TEC: variants seen among roughly 807,000 people sequenced by gnomAD.
TEC encodes tec protein tyrosine kinase.
A neutral mutation model predicts 93.0 loss-of-function variants in TEC; 72 were observed. The observed-to-expected ratio is 0.77, with a 90% CI of 0.64 to 0.94. The LOEUF (loss-of-function observed/expected upper bound fraction) is 0.94, where lower values mean the gene tolerates loss of function less well. Ranked by LOEUF, TEC falls within the 40% of genes least tolerant of loss-of-function variation. The pLI, the probability that TEC is intolerant of heterozygous loss-of-function variation, is 0.00. For synonymous variants in TEC, 249 were observed against 247.7 expected, an observed-to-expected ratio of 1.01 and a Z score of -0.05; for missense variants, 630 against 757.9, an observed-to-expected ratio of 0.83 and a Z score of 1.98.
At chr4:48,182,661 AT>A (rs1311263064) in intron 2 of TEC, among the ~76,000 whole-genome samples, 1 of 152,124 alleles carries the variant, frequency 6.6e-6, no homozygotes, top group Non-Finnish European at 1.5e-5. Flanking sequence ...AAAATGAGGC[AT>A]TAAGATGAAA....
At chr4:48,213,569 T>G (rs1722978157) in intron 2 of TEC, among the ~76,000 whole-genome samples, 1 of 152,198 alleles carries the variant, frequency 6.6e-6, no homozygotes, top group African/African-American at 2.4e-5. Flanking sequence ...CTAAGCTCCT[T>G]TCTGCATATA....
intron 2 of TEC, among the ~76,000 whole-genome samples, chr4:48,200,807 TGGAG>T (rs1485133231): frequency 1.1e-4 from 16 of 152,226 alleles, no homozygotes; most frequent in African/African-American, 3.1e-4. Flanking sequence ...ACAAGATGGC[TGGAG>T]CCATCTTTGG....
intron 8 of TEC, among the ~76,000 whole-genome samples, chr4:48,157,791 C>T (rs1218334721): frequency 6.6e-6 from 1 of 152,178 alleles, no homozygotes; most frequent in Non-Finnish European, 1.5e-5. Context: ...CCTGGGATTA[C>T]AGGCATGAGC....
chr4:48,167,958 AC>A lies in TEC; in HGVS notation c.496-6del, dbSNP rs748358556. 6.2e-7 allele frequency: 1 copy of A among 1,613,450 alleles called. No individual in the cohort carries two copies. Among genetic ancestry groups the A allele is most frequent in the Non-Finnish European group, 8.5e-7 (1 of 1,179,660 alleles). ...AATTGGTGGGGGAGGCCTTCGCTAGACAAGGAAGATAACATTTGAAAGTTTA... is the reference window on the plus strand; with the variant it reads ...AATTGGTGGGGGAGGCCTTCGCTAGAAAGGAAGATAACATTTGAAAGTTTA... On this transcript the variant is annotated splice_polypyrimidine_tract_variant and splice_region_variant and intron_variant, in intron 6 of 17. Coordinates refer to ENST00000381501, the MANE Select transcript of TEC (RefSeq NM_003215.3).
intron 8 of TEC, among the ~76,000 whole-genome samples, chr4:48,158,564 C>G (rs915979800): frequency 1.3e-5 from 2 of 152,056 alleles, no homozygotes; most frequent in Non-Finnish European, 2.9e-5. Context: ...ACACCTGGAG[C>G]TTTAATTATG....
rs1008277 is a variant in TEC, at chr4:48,136,518, T to C, written c.*898A>G. 50,759 of 152,002 alleles carry C rather than the reference T, an allele frequency of 0.33. 9,154 individuals carry two copies. The highest frequency in any genetic ancestry group is 0.68 in the East Asian group (3,522 of 5,152). 9.4% of individuals were successfully genotyped at this position (152,002 alleles called of 1,614,324 possible). On this transcript the variant is annotated 3_prime_UTR_variant, in exon 18 of 18. Transcript: ENST00000381501. ...AGGGAATATTCTTAAGGCTTAGAAG[T>C]AGATTACCCGGTTTAATTTTCCATC...
At chr4:48,198,478 G>A (rs1722379558) in intron 2 of TEC, among the ~76,000 whole-genome samples, 1 of 152,166 alleles carries the variant, frequency 6.6e-6, no homozygotes, top group Admixed American at 6.5e-5. Context: ...CCTGGTACTG[G>A]AATCCCATTA....
intron 1 of TEC, among the ~76,000 whole-genome samples, chr4:48,267,690 A>C (rs1051969048): frequency 1.3e-5 from 2 of 152,196 alleles, no homozygotes; most frequent in Non-Finnish European, 2.9e-5. Flanking sequence ...GAGCATAATA[A>C]AGGCTCTGAA....
At chr4:48,146,589 T>G (rs554176086) in intron 11 of TEC, among the ~76,000 whole-genome samples, 190 bp from the exon 12 acceptor site, 23 of 152,224 alleles carry the variant, frequency 1.5e-4, no homozygotes, top group African/African-American at 5.3e-4. Context: ...CTACAGTGTT[T>G]AACAGGCACC....
In TEC at chr4:48,163,815, T is replaced by C. The variant is rs1386348892; in HGVS notation, c.672-48A>G. 8.1e-6 allele frequency: 7 copies of C among 861,010 alleles called. No homozygotes were observed. In the South Asian group the frequency reaches 9.3e-5, roughly 11 times the overall value. 53.3% of individuals were successfully genotyped at this position (861,010 alleles called of 1,614,324 possible). A position where few individuals can be genotyped will look rare whatever the true frequency, so the allele number is the denominator to read the frequency against. On this transcript the variant is annotated intron_variant, in intron 7 of 17. Coordinates refer to ENST00000381501, the MANE Select transcript of TEC (RefSeq NM_003215.3). ...AGGTAAACTTACTTTACTGGGAGGT[T>C]ATTGAAAGAAAGAAAGATTATTGCC...
At chr4:48,258,808 C>G (rs10517214) in intron 1 of TEC, among the ~76,000 whole-genome samples, 66,373 of 152,058 alleles carry the variant, frequency 0.44, 14,754 homozygotes, top group Middle Eastern at 0.52. Context: ...TTTAAGAACT[C>G]TAGCGAATTT....
chr4:48,208,649 A>G (rs1375148786), intron 2 of TEC, among the ~76,000 whole-genome samples: 1 of 151,552 alleles, frequency 6.6e-6, no homozygotes, highest in Non-Finnish European at 1.5e-5. Context: ...TCTATTCCCT[A>G]CCTACAGAAA....
At chr4:48,191,958 C>G (rs1323898275) in intron 2 of TEC, among the ~76,000 whole-genome samples, 1 of 152,138 alleles carries the variant, frequency 6.6e-6, no homozygotes, top group Non-Finnish European at 1.5e-5. Context: ...TGAAGTCTAA[C>G]AACCACTCAG....
chr4:48,208,888 T>TG (rs1391506148), intron 2 of TEC, among the ~76,000 whole-genome samples: 2 of 152,192 alleles, frequency 1.3e-5, no homozygotes, highest in African/African-American at 4.8e-5. Flanking sequence ...AAAAAAGAAT[T>TG]GGGGGTGGTG....
chr4:48,261,266 T>C (rs1724491507), intron 1 of TEC, among the ~76,000 whole-genome samples: 1 of 152,234 alleles, frequency 6.6e-6, no homozygotes, highest in African/African-American at 2.4e-5. Flanking sequence ...CTGACAGCAT[T>C]CAAACCCAGT....
At chr4:48,194,534 C>A (rs1016340734) in intron 2 of TEC, among the ~76,000 whole-genome samples, 13 of 152,108 alleles carry the variant, frequency 8.5e-5, no homozygotes, top group Non-Finnish European at 1.8e-4. Flanking sequence ...TTTGCTACCC[C>A]CTAAAAGAGA....
chr4:48,264,518 G>A (rs1724582678), intron 1 of TEC, among the ~76,000 whole-genome samples: 2 of 152,168 alleles, frequency 1.3e-5, no homozygotes, highest in Admixed American at 1.3e-4. Flanking sequence ...AATGGAAAAG[G>A]CTTCTCTGAG....
chr4:48,195,936 G>A (rs1057235007), intron 2 of TEC, among the ~76,000 whole-genome samples: 1 of 152,138 alleles, frequency 6.6e-6, no homozygotes, highest in Non-Finnish European at 1.5e-5. Context: ...CTCACTGAGT[G>A]CCCACCAGCA....
At chr4:48,219,765 T>C (rs1410405328) in intron 2 of TEC, among the ~76,000 whole-genome samples, 2 of 152,136 alleles carry the variant, frequency 1.3e-5, no homozygotes, top group Non-Finnish European at 1.5e-5. Context: ...TTATATGCAA[T>C]AAATATCAGC....
Sources: gnomAD v4.1 joint callset for allele counts (sites outside exome capture counted in the v4.1 genomes callset) on GRCh38, gnomAD v4.1.1 for gene constraint, MANE v1.5 for transcripts, NCBI Gene and HGNC (gene_info 2026-07-23, HGNC 2026-07-21) for gene names.